The following PRKCI variants were observed in gnomAD, a reference collection of about 807,000 sequenced individuals.
PRKCI encodes protein kinase C iota type.
PRKCI carries 43 observed loss-of-function variants against 84.0 expected under a neutral mutation model. That is an observed-to-expected ratio of 0.51 (90% CI 0.40 to 0.66). The LOEUF is 0.66. Ranked by LOEUF, PRKCI falls within the 30% of genes least tolerant of loss-of-function variation. The pLI, the probability that PRKCI is intolerant of heterozygous loss-of-function variation, is 0.00. For missense variants in PRKCI, 459 were observed against 745.6 expected, an observed-to-expected ratio of 0.62 and a Z score of 4.48; for synonymous variants, 216 against 234.4, an observed-to-expected ratio of 0.92 and a Z score of 0.72.
At chr3:170,267,332 A>G (rs1304660157) in intron 4 of PRKCI, among the ~76,000 whole-genome samples, 2 of 152,064 alleles carry the variant, frequency 1.3e-5, no homozygotes. Context: ...TTTCTGTGGG[A>G]TTAAAAGATG....
At position 170,235,236 on chromosome 3, in the gene PRKCI, C is replaced by T. The variant is rs762597865; in HGVS notation, c.108C>T (p.Ile36=). ...AACTCCTTTTCTTTTTCAGGGATAT[C>T]ATGATAACACATTTTGAACCTTCCA... ...VRVKAYYRGD[I]MITHFEPSIS... is the part of the protein sequence containing the mutation. The change falls in exon 2 of 18, where the codon ATC becomes ATT. Residue 36 remains isoleucine (I), a synonymous_variant. Transcript: ENST00000295797. 1.1e-5 allele frequency: 18 copies of T among 1,613,256 alleles called. No individual in the cohort carries two copies. The highest frequency in any genetic ancestry group is 1.5e-5 in the Non-Finnish European group (18 of 1,179,472).
intron 1 of PRKCI, among the ~76,000 whole-genome samples, chr3:170,232,133 C>T (rs1732814428): frequency 6.6e-6 from 1 of 152,280 alleles, no homozygotes; most frequent in South Asian, 2.1e-4. Flanking sequence ...TCACTGCAGC[C>T]TTAACTGCCC....
chr3:170,229,518 A>G (rs1307387888), intron 1 of PRKCI, among the ~76,000 whole-genome samples: 1 of 152,156 alleles, frequency 6.6e-6, no homozygotes, highest in Non-Finnish European at 1.5e-5. Flanking sequence ...GCTGGTCTCA[A>G]GCTCCTGTGC....
intron 2 of PRKCI, among the ~76,000 whole-genome samples, chr3:170,249,799 A>G (rs1466178427): frequency 7.1e-6 from 1 of 140,796 alleles, no homozygotes; most frequent in African/African-American, 2.7e-5. Context: ...TCTGTCTCAG[A>G]AAAAAAAAAA....
intron 1 of PRKCI, among the ~76,000 whole-genome samples, chr3:170,231,859 G>A (rs1412302065): frequency 6.6e-6 from 1 of 152,102 alleles, no homozygotes; most frequent in Non-Finnish European, 1.5e-5. Flanking sequence ...AAAAATTTCT[G>A]TCAATTAAAG....
At chr3:170,270,841 G>GT (rs1733985064) in intron 6 of PRKCI, among the ~76,000 whole-genome samples, 1 of 152,056 alleles carries the variant, frequency 6.6e-6, no homozygotes, top group African/African-American at 2.4e-5. Context: ...CCATTTAAGA[G>GT]TTTTTTCCCC....
chr3:170,301,994 T>G (rs1293128832), intron 17 of PRKCI, among the ~76,000 whole-genome samples: 1 of 152,186 alleles, frequency 6.6e-6, no homozygotes, highest in Non-Finnish European at 1.5e-5. Context: ...CATTCCCTAG[T>G]AGTATTATTG....
At chr3:170,284,321 CTTCAG>C (rs1238411595) in intron 11 of PRKCI, 135 bp from the exon 12 acceptor site, 7 of 682,958 alleles carry the variant, frequency 1.0e-5, no homozygotes, top group Non-Finnish European at 1.7e-5. Context: ...TAAAGTGGTA[CTTCAG>C]TTCATTTTTC....
At chr3:170,254,947 A>G (rs1031925742) in intron 2 of PRKCI, among the ~76,000 whole-genome samples, 5 of 146,988 alleles carry the variant, frequency 3.4e-5, no homozygotes, top group African/African-American at 1.3e-4. Flanking sequence ...GATTCTTCCA[A>G]TCCATGAACA....
chr3:170,254,747 C>T (rs1347263338), intron 2 of PRKCI, among the ~76,000 whole-genome samples: 1 of 152,158 alleles, frequency 6.6e-6, no homozygotes, highest in Non-Finnish European at 1.5e-5. Context: ...AATTTAAAGG[C>T]ATAGAATGTG....
chr3:170,249,750 T>C (rs756880896), intron 2 of PRKCI, among the ~76,000 whole-genome samples: 25 of 149,160 alleles, frequency 1.7e-4, no homozygotes, highest in Non-Finnish European at 3.4e-4. Flanking sequence ...TGAACCAAGA[T>C]CATGCCACTG....
At chr3:170,234,801 C>A (rs1326910043) in intron 1 of PRKCI, among the ~76,000 whole-genome samples, 1 of 151,666 alleles carries the variant, frequency 6.6e-6, no homozygotes, top group African/African-American at 2.4e-5. Flanking sequence ...TTTTTGTTTT[C>A]TTTTGTTTTT....
At chr3:170,281,718 C>A in intron 10 of PRKCI, 164 bp from the exon 11 acceptor site, 2 of 825,106 alleles carry the variant, frequency 2.4e-6, no homozygotes, top group East Asian at 3.0e-5. Flanking sequence ...TTTACTTTCT[C>A]GTATGTTCCG....
chr3:170,268,914 TTA>T (rs369375687), intron 5 of PRKCI, among the ~76,000 whole-genome samples: 186 of 130,228 alleles, frequency 1.4e-3, no homozygotes, highest in African/African-American at 7.2e-3. Flanking sequence ...TATTATTTAT[TTA>T]TTTTTTTTTT....
chr3:170,267,327 G>T (rs1031653694), intron 4 of PRKCI, among the ~76,000 whole-genome samples: 1 of 151,824 alleles, frequency 6.6e-6, no homozygotes, highest in Non-Finnish European at 1.5e-5. Context: ...TACCTTTTCT[G>T]TGGGATTAAA....
In PRKCI at chr3:170,263,294, T is replaced by C. The variant is rs995898943; in HGVS notation, c.314-85T>C. On this transcript the variant is annotated intron_variant, in intron 3 of 17. Coordinates refer to ENST00000295797, the MANE Select transcript of PRKCI (RefSeq NM_002740.6). ...AGGGTCAGGTTGAAATCTGGGTCAGTTTCTTTTACATTTGAATTTTAAATT... is the reference window on the plus strand; with the variant it reads ...AGGGTCAGGTTGAAATCTGGGTCAGCTTCTTTTACATTTGAATTTTAAATT... 3.3e-6 allele frequency: 4 copies of C among 1,196,434 alleles called. No individual in the cohort carries two copies. The African/African-American group carries it at 6.1e-5, about 18-fold the overall frequency. 74.1% of individuals were successfully genotyped at this position (1,196,434 alleles called of 1,614,324 possible). A position where few individuals can be genotyped will look rare whatever the true frequency, so the allele number is the denominator to read the frequency against.
At chr3:170,231,517 T>G (rs901172126) in intron 1 of PRKCI, among the ~76,000 whole-genome samples, 3 of 151,264 alleles carry the variant, frequency 2.0e-5, no homozygotes, top group African/African-American at 7.3e-5. Context: ...CAGGCTGGAG[T>G]GTAGTGGCGT....
In PRKCI at chr3:170,270,553, T is replaced by A; in HGVS notation, c.583T>A (p.Leu195Met). The A allele has an allele frequency of 1.2e-6, 2 of 1,610,004 alleles. No individual in the cohort carries two copies. The highest frequency in any genetic ancestry group is 1.7e-6 in the Non-Finnish European group (2 of 1,178,658). The change falls in exon 6 of 18, where the codon TTG (leucine) becomes ATG (methionine). Residue 195 changes from leucine (L) to methionine (M), a missense_variant. Physicochemically the swap from Leu to Met is conservative, Grantham distance 15 (BLOSUM62 2). This residue lies in a region of PRKCI where 250 missense variants were observed against 319.7 expected (regional missense o/e 0.78). Transcript: ENST00000295797. ...LVTIECGRHS[L>M]PQEPVMPMDQ... ...CACAATTGAATGTGGGCGGCATTCT[T>A]TGCCACAGGTAAGATGTCTGTCCTT...
chr3:170,258,080 A>T, intron 2 of PRKCI, among the ~76,000 whole-genome samples: 1 of 151,974 alleles, frequency 6.6e-6, no homozygotes. Flanking sequence ...GGAAGTAGGG[A>T]TGCAGTGGTC....
Sources: gnomAD v4.1 joint callset for allele counts (sites outside exome capture counted in the v4.1 genomes callset) on GRCh38, gnomAD v4.1.1 for gene constraint, gnomAD v4.1.1 regional missense constraint, MANE v1.5 for transcripts, NCBI Gene and HGNC (gene_info 2026-07-23, HGNC 2026-07-21) for gene names.